DOCK3: variants seen among roughly 807,000 people sequenced by gnomAD.
DOCK3 encodes the protein dedicator of cytokinesis 3.
Under a neutral mutation model 265.6 loss-of-function variants are expected in DOCK3, and 60 were observed. That is an observed-to-expected ratio of 0.23 (90% confidence interval 0.18 to 0.28). The LOEUF (loss-of-function observed/expected upper bound fraction) is 0.28. Ranked by LOEUF, DOCK3 falls within the 10% of genes least tolerant of loss-of-function variation. The probability of loss-of-function intolerance (pLI) is 1.00; values close to 1 mark genes in which losing one functional copy is unlikely to be tolerated. For missense variants in DOCK3, 1,981 were observed against 2,594.3 expected (o/e 0.76, Z 5.14); for synonymous variants, 881 against 938.0 (o/e 0.94, Z 1.11).
At chr3:51,322,244 C>G (rs2083781421) in intron 32 of DOCK3, among the ~76,000 whole-genome samples, 1 of 152,068 alleles carries the variant, frequency 6.6e-6, no homozygotes, top group Admixed American at 6.6e-5. Context: ...GCTTGGTCGC[C>G]CAGGCTGGAG....
Position 51,144,261 on chromosome 3 carries a change from CTG to C in DOCK3, c.747-2285_747-2284del, listed in dbSNP as rs2085195527. ...ACCATTCTTTAAAGTGTGGTCTAGA[CTG>C]TGCTTCATCATTTCTTTCCTACTCC... On this transcript the variant is annotated intron_variant, in intron 9 of 52. Coordinates refer to ENST00000266037, the MANE Select transcript of DOCK3 (RefSeq NM_004947.5). Among the ~76,000 whole-genome samples, 8 of 152,332 alleles carry C rather than the reference CTG, an allele frequency of 5.3e-5. No homozygotes were observed. The South Asian group carries it at 1.7e-3, about 32-fold the overall frequency.
At chr3:51,095,349 G>A (rs1167332605) in intron 9 of DOCK3, among the ~76,000 whole-genome samples, 1 of 152,144 alleles carries the variant, frequency 6.6e-6, no homozygotes, top group South Asian at 2.1e-4. Context: ...TTGTAAGGCA[G>A]GCTTGGTGGT....
chr3:51,270,940 G>A lies in DOCK3; in HGVS notation c.2481G>A (p.Gln827=). Residue 827 remains glutamine, a synonymous_variant, in exon 24 of 53, where the codon CAG becomes CAA. Transcript: ENST00000266037. ...TGCCCAGCACTGTGCACATTGGGCA[G>A]TCAATGGACGTGGTCAAGCTGCAGT... The part of the protein sequence containing the change: ...GSMPSTVHIG[Q]SMDVVKLQSI... The A allele has an allele frequency of 6.2e-7, 1 of 1,614,024 alleles. No individual in the cohort carries two copies. The highest frequency in any genetic ancestry group is 1.3e-5 in the African/African-American group (1 of 75,054).
chr3:50,886,396 C>G (rs1401739951), intron 3 of DOCK3, among the ~76,000 whole-genome samples: 3 of 151,372 alleles, frequency 2.0e-5, no homozygotes, highest in African/African-American at 7.3e-5. Flanking sequence ...CTTTTTAAAT[C>G]CTTTTTTTAA....
At chr3:50,783,468 T>C (rs1370851984) in intron 2 of DOCK3, among the ~76,000 whole-genome samples, 1 of 152,214 alleles carries the variant, frequency 6.6e-6, no homozygotes, top group Non-Finnish European at 1.5e-5. Flanking sequence ...GCCATTTGTC[T>C]ATCTCCTTGA....
At chr3:51,233,289 A>G (rs1015782448) in intron 19 of DOCK3, among the ~76,000 whole-genome samples, 29 of 152,100 alleles carry the variant, frequency 1.9e-4, no homozygotes, top group African/African-American at 6.7e-4. Context: ...TGTGTCATTT[A>G]TTATTTCTTT....
chr3:51,038,201 G>A (rs1433554076), intron 5 of DOCK3, among the ~76,000 whole-genome samples: 1 of 152,124 alleles, frequency 6.6e-6, no homozygotes, highest in Non-Finnish European at 1.5e-5. Flanking sequence ...CATTTTTAGG[G>A]CACATCTCTG....
At chr3:50,840,449 C>G (rs1575325217) in intron 2 of DOCK3, among the ~76,000 whole-genome samples, 1 of 152,148 alleles carries the variant, frequency 6.6e-6, no homozygotes, top group Non-Finnish European at 1.5e-5. Flanking sequence ...TCCAGTTGTT[C>G]CAGCACCATT....
intron 7 of DOCK3, among the ~76,000 whole-genome samples, chr3:51,079,850 TA>T (rs1227855225): frequency 6.6e-6 from 1 of 152,216 alleles, no homozygotes; most frequent in East Asian, 1.9e-4. Flanking sequence ...AAAAATTACA[TA>T]ATATGAGAGT....
At chr3:50,751,322 G>C (rs2039790361) in intron 1 of DOCK3, among the ~76,000 whole-genome samples, 2 of 151,594 alleles carry the variant, frequency 1.3e-5, no homozygotes, top group African/African-American at 2.4e-5. Flanking sequence ...TGTTGCATAG[G>C]TATACATGTG....
chr3:51,186,232 A>C (rs2107784522), intron 12 of DOCK3, among the ~76,000 whole-genome samples: 1 of 152,358 alleles, frequency 6.6e-6, no homozygotes, highest in South Asian at 2.1e-4. Context: ...TAACTGGAGC[A>C]AAGATGACTT....
intron 7 of DOCK3, among the ~76,000 whole-genome samples, chr3:51,075,726 T>C (rs1048355839): frequency 1.3e-5 from 2 of 152,172 alleles, no homozygotes; most frequent in African/African-American, 4.8e-5. Flanking sequence ...TAAAGTTATG[T>C]CTCTTTCCTC....
At chr3:50,817,129 C>T (rs192298877) in intron 2 of DOCK3, among the ~76,000 whole-genome samples, 107 of 152,254 alleles carry the variant, frequency 7.0e-4, no homozygotes, top group African/African-American at 2.4e-3. Flanking sequence ...CATTTTAGAC[C>T]ATATAGGGTA....
intron 25 of DOCK3, among the ~76,000 whole-genome samples, chr3:51,276,108 G>A (rs1003939075): frequency 6.6e-6 from 1 of 152,220 alleles, no homozygotes; most frequent in Non-Finnish European, 1.5e-5. Context: ...TCCACATGGA[G>A]TGGGAGAGGC....
At chr3:51,192,116 G>A (rs2087981974) in intron 12 of DOCK3, among the ~76,000 whole-genome samples, 2 of 151,018 alleles carry the variant, frequency 1.3e-5, no homozygotes, top group Non-Finnish European at 3.0e-5. Context: ...ATCTATTTTT[G>A]TTTTTGTTGC....
rs762778994 is a variant in DOCK3, at chr3:51,237,503, A to C, written c.2015A>C (p.Asn672Thr). 3 of 1,613,504 alleles carry C rather than the reference A, an allele frequency of 1.9e-6. No individual in the cohort carries two copies. The highest frequency in any genetic ancestry group is 3.3e-5 in the Admixed American group (2 of 59,932). Residue 672 changes from asparagine to threonine, a missense_variant, in exon 21 of 53, where the codon AAC becomes ACC. Asn to Thr is a moderately conservative substitution (Grantham distance 65). Around this residue, in one of 4 missense-constraint regions of DOCK3, gnomAD observed 1,357 missense variants for 1,866.8 expected, o/e 0.73. Transcript: ENST00000266037. Reference sequence around the variant, plus strand: ...CATATCTCCCAGGTGTTCATCATCAACCTGCTCCGAGACATCAAGTATTTT... The same window carrying C: ...CATATCTCCCAGGTGTTCATCATCACCCTGCTCCGAGACATCAAGTATTTT... Reference protein sequence around the residue: ...LVFQSLVFIINLLRDIKYFHF... With the variant: ...LVFQSLVFIITLLRDIKYFHF...
At chr3:50,742,819 A>G (rs1229959347) in intron 1 of DOCK3, among the ~76,000 whole-genome samples, 1 of 152,194 alleles carries the variant, frequency 6.6e-6, no homozygotes, top group Non-Finnish European at 1.5e-5. Context: ...AGGCAGGCCA[A>G]CATTCAGATT....
chr3:50,978,946 G>A (rs888977913), intron 5 of DOCK3, among the ~76,000 whole-genome samples: 8 of 152,188 alleles, frequency 5.3e-5, no homozygotes, highest in African/African-American at 1.7e-4. Context: ...GACTAGGAAA[G>A]GGAACTCCCT....
At chr3:50,924,468 ATGAGTTCCT>A (rs2050660943) in intron 4 of DOCK3, among the ~76,000 whole-genome samples, 1 of 152,200 alleles carries the variant, frequency 6.6e-6, no homozygotes. Context: ...TGTGTTTAAA[ATGAGTTCCT>A]TGCTCATATT....
Sources: gnomAD v4.1 joint callset for allele counts (sites outside exome capture counted in the v4.1 genomes callset) on GRCh38, gnomAD v4.1.1 for gene constraint, gnomAD v4.1.1 regional missense constraint, MANE v1.5 for transcripts, NCBI Gene and HGNC (gene_info 2026-07-23, HGNC 2026-07-21) for gene names.